Variants in CAMK1D observed in about 807,000 individuals in gnomAD.
CAMK1D encodes the protein calcium/calmodulin dependent protein kinase ID.
A neutral mutation model predicts 47.7 loss-of-function variants in CAMK1D; 9 were observed. The ratio of observed to expected loss-of-function variants is 0.19; its 90% CI spans 0.11 to 0.33. The LOEUF (loss-of-function observed/expected upper bound fraction) is 0.33. Ranked by LOEUF, CAMK1D falls within the 10% of genes least tolerant of loss-of-function variation. The pLI is 1.00. For synonymous variants in CAMK1D, 184 were observed against 184.9 expected (o/e 0.99, Z 0.04); for missense variants, 291 against 488.7 (o/e 0.60, Z 3.81).
intron 2 of CAMK1D, among the ~76,000 whole-genome samples, chr10:12,565,756 T>A (rs1304365004): frequency 6.6e-6 from 1 of 152,126 alleles, no homozygotes; most frequent in Non-Finnish European, 1.5e-5. Context: ...TAAGACATTT[T>A]TAGGGGCCAC....
At chr10:12,606,788 T>A (rs2132402267) in intron 2 of CAMK1D, among the ~76,000 whole-genome samples, 1 of 152,182 alleles carries the variant, frequency 6.6e-6, no homozygotes, top group South Asian at 2.1e-4. Context: ...ACCTGAGGCT[T>A]GTCTTGCCTG....
intron 1 of CAMK1D, among the ~76,000 whole-genome samples, chr10:12,499,069 C>CTTTTTT (rs35158100): frequency 1.6e-5 from 2 of 123,112 alleles, no homozygotes; most frequent in African/African-American, 5.9e-5. Context: ...TAAATTACAG[C>CTTTTTT]TTTTTTTTTT....
At chr10:12,751,086 GATAA>G in intron 3 of CAMK1D, among the ~76,000 whole-genome samples, 1 of 83,996 alleles carries the variant, frequency 1.2e-5, no homozygotes, top group Admixed American at 1.1e-4. Flanking sequence ...GATAAGATAA[GATAA>G]GATAAGATAA....
chr10:12,589,706 G>T (rs1461745869), intron 2 of CAMK1D, among the ~76,000 whole-genome samples: 1 of 152,164 alleles, frequency 6.6e-6, no homozygotes, highest in Non-Finnish European at 1.5e-5. Context: ...GGGTGGGCAG[G>T]GGGCAGCAGG....
chr10:12,694,101 A>ATTAT (rs1377649206), intron 3 of CAMK1D, among the ~76,000 whole-genome samples: 1 of 45,660 alleles, frequency 2.2e-5, no homozygotes, highest in Admixed American at 4.1e-4. Context: ...TATATTATAT[A>ATTAT]ATATATAATA....
intron 1 of CAMK1D, among the ~76,000 whole-genome samples, chr10:12,429,211 C>G (rs1296512041): frequency 6.6e-6 from 1 of 152,296 alleles, no homozygotes; most frequent in Admixed American, 6.5e-5. Flanking sequence ...ACGTGCTTTC[C>G]TCTTTGCTGA....
chr10:12,463,961 C>T (rs987211600), intron 1 of CAMK1D, among the ~76,000 whole-genome samples: 16 of 152,094 alleles, frequency 1.1e-4, no homozygotes, highest in African/African-American at 3.4e-4. Context: ...TCCCCTTCTG[C>T]CTTGCTTCCT....
chr10:12,404,951 CTGGGATTATAGACA>C (rs1388208778), intron 1 of CAMK1D, among the ~76,000 whole-genome samples: 1 of 152,080 alleles, frequency 6.6e-6, no homozygotes, highest in Non-Finnish European at 1.5e-5. Flanking sequence ...TCCCAAAGTG[CTGGGATTATAGACA>C]TGAGCCACCG....
intron 6 of CAMK1D, among the ~76,000 whole-genome samples, chr10:12,805,904 C>G (rs892530366): frequency 1.3e-5 from 2 of 152,214 alleles, no homozygotes; most frequent in African/African-American, 2.4e-5. Flanking sequence ...AGGGCTCAGA[C>G]TGTATCAGAG....
At chr10:12,495,662 T>A (rs554899710) in intron 1 of CAMK1D, among the ~76,000 whole-genome samples, 3 of 152,274 alleles carry the variant, frequency 2.0e-5, no homozygotes, top group Non-Finnish European at 2.9e-5. Flanking sequence ...TTTGAAAGGA[T>A]GAAAATACTC....
chr10:12,403,425 C>G (rs1402225864), intron 1 of CAMK1D, among the ~76,000 whole-genome samples: 1 of 152,136 alleles, frequency 6.6e-6, no homozygotes, highest in Non-Finnish European at 1.5e-5. Flanking sequence ...ATAATCGATC[C>G]CACTTTACTT....
intron 1 of CAMK1D, among the ~76,000 whole-genome samples, chr10:12,372,604 G>T (rs943968559): frequency 3.9e-5 from 6 of 152,178 alleles, no homozygotes; most frequent in Non-Finnish European, 7.4e-5. Context: ...GGTTCATAGG[G>T]AATGGGAGTA....
rs532059729 is a variant in CAMK1D at position 12,622,003 on chromosome 10, A to G, written c.225-44733A>G. ...TCACCTGCTCGGGGAGCTCCTTCCC[A>G]CTGTGCAGTGGGAGTAGAATTCTGG... On this transcript the variant is annotated intron_variant, in intron 2 of 10. Coordinates refer to ENST00000619168, the MANE Select transcript of CAMK1D (RefSeq NM_153498.4). 2.0e-5 allele frequency among the ~76,000 whole-genome samples: 3 copies of G among 152,228 alleles called. No individual in the cohort carries two copies. In the South Asian group the frequency reaches 6.2e-4, roughly 32 times the overall value.
chr10:12,760,670 A>G (rs992830298), intron 3 of CAMK1D: 1 of 297,114 alleles, frequency 3.4e-6, no homozygotes, highest in African/African-American at 2.1e-5. Flanking sequence ...ACTTTACATC[A>G]TCACAGCAGA....
rs149637916 is a variant in CAMK1D, at chr10:12,730,928, T to TG, written c.300-30016dup. On this transcript the variant is annotated intron_variant, in intron 3 of 10. Transcript: ENST00000619168. ...GAGCTGAATGTTCTAGAAAGTCTCC[T>TG]GGGGAGAGGATTTAAATGTGAGAAT... Among the ~76,000 whole-genome samples, 730 of 152,282 alleles carry TG rather than the reference T, an allele frequency of 4.8e-3. 11 individuals are homozygous for TG. Among genetic ancestry groups the TG allele is most frequent in the African/African-American group, 0.016 (679 of 41,558 alleles).
intron 2 of CAMK1D, among the ~76,000 whole-genome samples, chr10:12,562,755 C>G (rs568380859): frequency 4.5e-4 from 69 of 152,300 alleles, no homozygotes; most frequent in African/African-American, 1.6e-3. Context: ...TCTATCATTC[C>G]TGACTGTGCC....
intron 1 of CAMK1D, among the ~76,000 whole-genome samples, chr10:12,496,286 TGCAAA>T (rs1430061328): frequency 6.6e-6 from 1 of 152,250 alleles, no homozygotes; most frequent in Non-Finnish European, 1.5e-5. Flanking sequence ...CAAGATTGCC[TGCAAA>T]TCATAGAACT....
intron 3 of CAMK1D, among the ~76,000 whole-genome samples, chr10:12,756,509 A>T (rs1161621451): frequency 6.6e-6 from 1 of 152,266 alleles, no homozygotes; most frequent in Non-Finnish European, 1.5e-5. Context: ...GGGATCATGT[A>T]AAATTTGGCA....
chr10:12,783,510 A>G (rs1001651295), intron 5 of CAMK1D, among the ~76,000 whole-genome samples: 3 of 152,174 alleles, frequency 2.0e-5, no homozygotes, highest in African/African-American at 4.8e-5. Context: ...CCACCCTCTC[A>G]GCAGAAACTG....
Sources: gnomAD v4.1 joint callset for allele counts (sites outside exome capture counted in the v4.1 genomes callset) on GRCh38, gnomAD v4.1.1 for gene constraint, MANE v1.5 for transcripts, NCBI Gene and HGNC (gene_info 2026-07-23, HGNC 2026-07-21) for gene names.